Variants in ELF4 observed in about 807,000 individuals in gnomAD.
ELF4 encodes E74 like ETS transcription factor 4.
ELF4 carries 10 observed loss-of-function variants against 31.7 expected under a neutral mutation model. That is an observed-to-expected ratio of 0.32 (90% CI 0.19 to 0.54). ELF4 has a LOEUF of 0.54. Among genes scored for constraint, ELF4 ranks in the 20% least tolerant of loss-of-function variants. The pLI, the probability that ELF4 is intolerant of heterozygous loss-of-function variation, is 0.95. For missense variants in ELF4, 418 were observed against 522.0 expected (o/e 0.80, Z 1.94); for synonymous variants, 208 against 226.7 (o/e 0.92, Z 0.74).
At chrX:130,070,479 A>G (rs1389391756) in intron 7 of ELF4, among the ~76,000 whole-genome samples, 7 of 109,558 alleles carry the variant, frequency 6.4e-5, no homozygotes, top group South Asian at 3.9e-4. Context: ...GGAGGCTGAC[A>G]CAGGAGAATG....
chrX:130,111,072 C>T (rs1313315601), upstream of ELF4, among the ~76,000 whole-genome samples: 1 of 106,734 alleles, frequency 9.4e-6, no homozygotes, highest in Non-Finnish European at 2.0e-5. Flanking sequence ...CGCCCCGGCC[C>T]GCCCGCCGCG....
At chrX:130,088,754 T>C (rs954995095) in intron 1 of ELF4, among the ~76,000 whole-genome samples, 6 of 111,892 alleles carry the variant, frequency 5.4e-5, no homozygotes, top group Non-Finnish European at 1.1e-4. Flanking sequence ...AATTCATTAG[T>C]GGGTTTTTTA....
intron 1 of ELF4, among the ~76,000 whole-genome samples, chrX:130,103,399 G>T (rs1933320533): frequency 8.9e-6 from 1 of 112,428 alleles, no homozygotes; most frequent in Non-Finnish European, 1.9e-5. Context: ...CCTCAACAAA[G>T]AAGACATATG....
chrX:130,075,278 C>CT (rs751479115), intron 2 of ELF4, among the ~76,000 whole-genome samples: 804 of 79,263 alleles, frequency 0.01, 20 homozygotes, highest in East Asian at 0.079. Context: ...CAAGGGCAAG[C>CT]TTTTTTTTTT....
chrX:130,084,827 AC>A (rs377114633), intron 1 of ELF4, among the ~76,000 whole-genome samples: 2 of 95,067 alleles, frequency 2.1e-5, no homozygotes, highest in Admixed American at 2.4e-4. Context: ...AGAGGAGTGA[AC>A]CCCCCCTTCA....
chrX:130,091,079 T>C (rs894528852), intron 1 of ELF4, among the ~76,000 whole-genome samples: 4 of 112,159 alleles, frequency 3.6e-5, no homozygotes, highest in Non-Finnish European at 7.5e-5. Flanking sequence ...GTTTGCTGAA[T>C]GCTGGACTAA....
intron 2 of ELF4, among the ~76,000 whole-genome samples, chrX:130,076,468 G>A (rs1932835785): frequency 8.9e-6 from 1 of 112,398 alleles, no homozygotes. Context: ...GTCTGGCTCT[G>A]TCACCCAGGC....
chrX:130,091,238 C>T (rs1933052063), intron 1 of ELF4, among the ~76,000 whole-genome samples: 1 of 110,542 alleles, frequency 9.0e-6, no homozygotes, highest in Admixed American at 9.8e-5. Context: ...ACCAGCCTGG[C>T]CAACATGATG....
At chrX:130,085,034 C>T (rs1932940955) in intron 1 of ELF4, among the ~76,000 whole-genome samples, 1 of 112,208 alleles carries the variant, frequency 8.9e-6, no homozygotes, top group Non-Finnish European at 1.9e-5. Context: ...AGGGAGCACA[C>T]ACGGACACTT....
At chrX:130,073,944 G>A (rs1235485652) in intron 4 of ELF4, 105 bp downstream of exon 4, 2 of 832,510 alleles carry the variant, frequency 2.4e-6, no homozygotes, top group Non-Finnish European at 3.6e-6. Flanking sequence ...TGTGGTGCAT[G>A]TATACCTGTG....
rs779313236 is a variant in ELF4, at chrX:130,092,439, C to T, written c.-209-10900G>A. Reference sequence around the variant, plus strand: ...GGAGACAGCTGTCTACACAAGGGGACGCCCCAGTGGCAGGTCTACCAGACT... The same window carrying T: ...GGAGACAGCTGTCTACACAAGGGGATGCCCCAGTGGCAGGTCTACCAGACT... On this transcript the variant is annotated intron_variant, in intron 1 of 8. Coordinates refer to ENST00000308167, the MANE Select transcript of ELF4 (RefSeq NM_001421.4). 1.5e-4 allele frequency among the ~76,000 whole-genome samples: 17 copies of T among 112,648 alleles called. No individual in the cohort carries two copies. The East Asian group carries it at 1.7e-3, about 11-fold the overall frequency.
chrX:130,075,278 CT>C (rs751479115), intron 2 of ELF4, among the ~76,000 whole-genome samples: 8,750 of 79,185 alleles, frequency 0.11, 1,049 homozygotes, highest in African/African-American at 0.34. Flanking sequence ...CAAGGGCAAG[CT>C]TTTTTTTTTT....
intron 1 of ELF4, among the ~76,000 whole-genome samples, chrX:130,095,618 A>G (rs969971103): frequency 9.0e-6 from 1 of 111,371 alleles, no homozygotes; most frequent in Non-Finnish European, 1.9e-5. Context: ...CCCAAGCTCC[A>G]TCTAGTAAGT....
chrX:130,103,450 A>G (rs1475467229), intron 1 of ELF4, among the ~76,000 whole-genome samples: 2 of 112,594 alleles, frequency 1.8e-5, no homozygotes, highest in Non-Finnish European at 3.8e-5. Flanking sequence ...TCATCAGTCA[A>G]TACAAACATC....
chrX:130,071,262 CTGGGCAGCT>C, intron 6 of ELF4, 30 bp from the exon 7 acceptor site: 1 of 1,211,100 alleles, frequency 8.3e-7, no homozygotes, highest in Non-Finnish European at 1.1e-6. Context: ...GAGGGGCAGC[CTGGGCAGCT>C]GGGGCACCCT....
intron 7 of ELF4, among the ~76,000 whole-genome samples, chrX:130,070,109 A>G (rs183646245): frequency 9.0e-6 from 1 of 111,640 alleles, no homozygotes; most frequent in African/African-American, 3.2e-5. Flanking sequence ...TTCTTGGGGA[A>G]GAGGGGGTGC....
intron 2 of ELF4, among the ~76,000 whole-genome samples, chrX:130,078,359 G>A (rs1932853135): frequency 6.1e-5 from 2 of 32,923 alleles, no homozygotes; most frequent in South Asian, 8.9e-3. Flanking sequence ...CACACCTATT[G>A]TAATCCCAGC....
At chrX:130,106,386 G>A (rs938267460) in intron 1 of ELF4, among the ~76,000 whole-genome samples, 7 of 111,485 alleles carry the variant, frequency 6.3e-5, no homozygotes, top group Non-Finnish European at 1.3e-4. Flanking sequence ...GCCTAGCATC[G>A]GTTGGGCACA....
intron 2 of ELF4, among the ~76,000 whole-genome samples, chrX:130,079,055 GT>G (rs1932863492): frequency 9.0e-6 from 1 of 111,259 alleles, no homozygotes; most frequent in South Asian, 3.8e-4. Context: ...AACTAAAAAG[GT>G]ATAAAAAGAT....
Sources: gnomAD v4.1 joint callset for allele counts (sites outside exome capture counted in the v4.1 genomes callset) on GRCh38, gnomAD v4.1.1 for gene constraint, MANE v1.5 for transcripts, NCBI Gene and HGNC (gene_info 2026-07-23, HGNC 2026-07-21) for gene names.